TMEM135: variants seen among roughly 807,000 people sequenced by gnomAD.
TMEM135 encodes transmembrane protein 135.
Under a neutral mutation model 60.3 loss-of-function variants are expected in TMEM135, and 30 were observed. That is an observed-to-expected ratio of 0.50 (90% CI 0.37 to 0.68). The LOEUF (loss-of-function observed/expected upper bound fraction) is 0.68. Ranked by LOEUF, TMEM135 falls within the 30% of genes least tolerant of loss-of-function variation. TMEM135 has a pLI of 0.00. For missense variants in TMEM135, 468 were observed against 548.8 expected (o/e 0.85, Z 1.47); for synonymous variants, 190 against 186.7 (o/e 1.02, Z -0.14).
intron 6 of TMEM135, among the ~76,000 whole-genome samples, chr11:87,273,272 G>T (rs1461810714): frequency 6.6e-6 from 1 of 152,118 alleles, no homozygotes; most frequent in African/African-American, 2.4e-5. Flanking sequence ...ATCTGATGTT[G>T]TGAGGATTAA....
Position 87,327,070 on chromosome 11 carries a change from A to T in TMEM135, c.*5737A>T, listed in dbSNP as rs769343919. On this transcript the variant is annotated 3_prime_UTR_variant, in exon 15 of 15. Transcript: ENST00000305494. ...GACAGTTACATGCCTAGCCCCAGGG[A>T]TGAATCATAATTGTTCTAGGCCTTT... 1 of 454,052 alleles carries T rather than the reference A, an allele frequency of 2.2e-6. No individual in the cohort carries two copies. Among genetic ancestry groups the T allele is most frequent in the South Asian group, 1.6e-5 (1 of 64,472 alleles). The allele number at this position is 454,052 out of a possible 1,614,324, so 28.1% of individuals were successfully genotyped here.
chr11:87,262,659 C>T (rs138591130), intron 6 of TMEM135, among the ~76,000 whole-genome samples: 40 of 152,276 alleles, frequency 2.6e-4, no homozygotes, highest in African/African-American at 9.4e-4. Context: ...TGGCATATAA[C>T]AGCAAGCCAA....
intron 5 of TMEM135, among the ~76,000 whole-genome samples, chr11:87,177,032 A>C (rs963293611): frequency 6.6e-6 from 1 of 152,160 alleles, no homozygotes; most frequent in African/African-American, 2.4e-5. Flanking sequence ...TATAATTTTC[A>C]GTAATGGATT....
intron 4 of TMEM135, chr11:87,121,078 A>G (rs535839874): frequency 1.3e-5 from 2 of 152,334 alleles, no homozygotes; most frequent in Admixed American, 1.3e-4. Context: ...GGGCAGAACA[A>G]CTGCCAGAAA....
chr11:87,211,914 A>T (rs1312603242), intron 5 of TMEM135, among the ~76,000 whole-genome samples: 1 of 152,028 alleles, frequency 6.6e-6, no homozygotes, highest in East Asian at 1.9e-4. Context: ...ACGGCATTCC[A>T]GCCTGGGTGA....
intron 6 of TMEM135, among the ~76,000 whole-genome samples, chr11:87,280,916 A>T (rs944796288): frequency 6.6e-6 from 1 of 152,190 alleles, no homozygotes; most frequent in African/African-American, 2.4e-5. Context: ...GAACATGCCT[A>T]TCAGCCGTAT....
At chr11:87,191,825 CT>C (rs1939805401) in intron 5 of TMEM135, among the ~76,000 whole-genome samples, 1 of 151,882 alleles carries the variant, frequency 6.6e-6, no homozygotes, top group Non-Finnish European at 1.5e-5. Flanking sequence ...AGAAGTTTTC[CT>C]TATTATCTAT....
At chr11:87,165,326 A>G (rs1939004565) in intron 5 of TMEM135, among the ~76,000 whole-genome samples, 1 of 122,388 alleles carries the variant, frequency 8.2e-6, no homozygotes, top group Admixed American at 9.2e-5. Context: ...GGCTCTGTTT[A>G]TATGCTGGAT....
intron 1 of TMEM135, among the ~76,000 whole-genome samples, chr11:87,039,834 A>C (rs1429118231): frequency 6.6e-6 from 1 of 152,224 alleles, no homozygotes; most frequent in Non-Finnish European, 1.5e-5. Flanking sequence ...TCACTTAACA[A>C]ATATTTGTTG....
chr11:87,116,982 A>G (rs1857903934), intron 4 of TMEM135, among the ~76,000 whole-genome samples: 1 of 151,860 alleles, frequency 6.6e-6, no homozygotes, highest in African/African-American at 2.4e-5. Context: ...GCCACCACAC[A>G]TGGCTAATTT....
intron 4 of TMEM135, among the ~76,000 whole-genome samples, chr11:87,130,993 A>T (rs1181301038): frequency 6.6e-6 from 1 of 151,078 alleles, no homozygotes. Flanking sequence ...TTTAGATTGT[A>T]CATATATCCT....
chr11:87,104,179 G>A (rs1857535520), intron 4 of TMEM135, among the ~76,000 whole-genome samples: 1 of 152,064 alleles, frequency 6.6e-6, no homozygotes, highest in Admixed American at 6.6e-5. Context: ...GCCGTTTATT[G>A]AGGAGACTTG....
chr11:87,202,798 C>T (rs899765575), intron 5 of TMEM135, among the ~76,000 whole-genome samples: 9 of 150,158 alleles, frequency 6.0e-5, no homozygotes, highest in African/African-American at 7.3e-5. Flanking sequence ...TTTGGGAGGC[C>T]GAGGCGGGCG....
At chr11:87,258,602 G>T (rs376405871) in intron 6 of TMEM135, among the ~76,000 whole-genome samples, 2 of 152,278 alleles carry the variant, frequency 1.3e-5, no homozygotes, top group South Asian at 4.1e-4. Context: ...TGTGTGGCCA[G>T]AGCTGGAATA....
chr11:87,278,309 A>G (rs1942002618), intron 6 of TMEM135, among the ~76,000 whole-genome samples: 1 of 151,934 alleles, frequency 6.6e-6, no homozygotes, highest in South Asian at 2.1e-4. Context: ...CATAACACAT[A>G]TACATTTGTA....
chr11:87,299,872 C>G (rs1011706138), intron 7 of TMEM135, among the ~76,000 whole-genome samples: 1 of 152,054 alleles, frequency 6.6e-6, no homozygotes, highest in Admixed American at 6.5e-5. Context: ...ACTAGAAGAA[C>G]CCAAATGTAA....
At chr11:87,206,436 T>A (rs1298039756) in intron 5 of TMEM135, among the ~76,000 whole-genome samples, 1 of 152,150 alleles carries the variant, frequency 6.6e-6, no homozygotes, top group Non-Finnish European at 1.5e-5. Context: ...AATTTTTGAA[T>A]GTTGTTTTTT....
chr11:87,202,010 G>A (rs552415995), intron 5 of TMEM135, among the ~76,000 whole-genome samples: 1 of 43,218 alleles, frequency 2.3e-5, no homozygotes, highest in South Asian at 7.3e-4. Flanking sequence ...GTTATGTTAT[G>A]TAATGTTATG....
chr11:87,163,708 T>C (rs1022663619), intron 5 of TMEM135, among the ~76,000 whole-genome samples: 4 of 149,618 alleles, frequency 2.7e-5, no homozygotes, highest in African/African-American at 9.9e-5. Context: ...TGTTGTTTCC[T>C]GACTTTTTAA....
Sources: gnomAD v4.1 joint callset for allele counts (sites outside exome capture counted in the v4.1 genomes callset) on GRCh38, gnomAD v4.1.1 for gene constraint, MANE v1.5 for transcripts, NCBI Gene and HGNC (gene_info 2026-07-23, HGNC 2026-07-21) for gene names.